PC: variants seen among roughly 807,000 people sequenced by gnomAD.
The protein encoded by PC is pyruvate carboxylase, also known as pyruvate carboxylase, mitochondrial.
Under a neutral mutation model 107.8 loss-of-function variants are expected in PC, and 46 were observed. The ratio of observed to expected loss-of-function variants is 0.43; its 90% CI spans 0.34 to 0.55. The LOEUF (loss-of-function observed/expected upper bound fraction) is 0.55. Among genes scored for constraint, PC ranks in the 20% least tolerant of loss-of-function variants. The pLI, the probability that PC is intolerant of heterozygous loss-of-function variation, is 0.04. For missense variants in PC, 1,241 were observed against 1,643.1 expected, an observed-to-expected ratio of 0.76 and a Z score of 4.23; for synonymous variants, 662 against 684.7, an observed-to-expected ratio of 0.97 and a Z score of 0.52.
intron 3 of PC, among the ~76,000 whole-genome samples, chr11:66,911,120 G>A (rs1413410082): frequency 6.6e-6 from 1 of 152,190 alleles, no homozygotes; most frequent in Non-Finnish European, 1.5e-5. Context: ...GACCCCAATG[G>A]TCAGCCCTTG....
intron 3 of PC, among the ~76,000 whole-genome samples, chr11:66,913,567 C>A: frequency 6.6e-6 from 1 of 150,914 alleles, no homozygotes; most frequent in Non-Finnish European, 1.5e-5. Flanking sequence ...GAGGCTGAGG[C>A]AGGAGAATCT....
intron 3 of PC, among the ~76,000 whole-genome samples, chr11:66,925,449 G>C (rs1429938818): frequency 2.0e-5 from 3 of 152,156 alleles, no homozygotes; most frequent in African/African-American, 7.2e-5. Flanking sequence ...TCTCCCATTT[G>C]CTTTTGAAAG....
intron 3 of PC, among the ~76,000 whole-genome samples, chr11:66,917,218 C>T (rs1948482736): frequency 6.6e-6 from 1 of 151,790 alleles, no homozygotes; most frequent in Non-Finnish European, 1.5e-5. Flanking sequence ...ATTACAGGGG[C>T]GCGCCATCAC....
intron 2 of PC, among the ~76,000 whole-genome samples, chr11:66,953,440 C>T (rs907229303): frequency 6.6e-5 from 10 of 152,194 alleles, no homozygotes; most frequent in African/African-American, 2.2e-4. Context: ...GAGCCCACCT[C>T]GTGTTTATGC....
At chr11:66,938,606 A>C (rs1591305726) in intron 3 of PC, among the ~76,000 whole-genome samples, 1 of 152,220 alleles carries the variant, frequency 6.6e-6, no homozygotes, top group East Asian at 1.9e-4. Flanking sequence ...ACTATATAGA[A>C]AATTTTTTAA....
Position 66,863,654 on chromosome 11 carries a change from C to A in PC, c.1368+120G>T, listed in dbSNP as rs111399086. 3.0e-5 allele frequency: 32 copies of A among 1,073,148 alleles called. No homozygotes were observed. In the African/African-American group the frequency reaches 4.1e-4, roughly 14 times the overall value. The allele number at this position is 1,073,148 out of a possible 1,614,324, so 66.5% of individuals were successfully genotyped here. A position where few individuals can be genotyped will look rare whatever the true frequency, so the allele number is the denominator to read the frequency against. On this transcript the variant is annotated intron_variant, in intron 12 of 22. Coordinates refer to ENST00000393960, the MANE Select transcript of PC (RefSeq NM_001040716.2). ...GCCAAGGAGAGCCACTGACCTCGAC[C>A]CATCAGTCAGGGGCAAGGCTGAGGT...
At chr11:66,856,888 G>A (rs1296094454) in intron 12 of PC, 1 of 148,146 alleles carries the variant, frequency 6.8e-6, no homozygotes, top group Non-Finnish European at 1.5e-5. Flanking sequence ...GGCAGCGCCG[G>A]GGGACAGCGC....
At chr11:66,946,555 G>A (rs536234506) in intron 3 of PC, among the ~76,000 whole-genome samples, 5 of 152,130 alleles carry the variant, frequency 3.3e-5, no homozygotes, top group Non-Finnish European at 5.9e-5. Flanking sequence ...AGCAGGCGGA[G>A]GTTGCAAGTA....
intron 3 of PC, among the ~76,000 whole-genome samples, chr11:66,923,847 A>G (rs1447951313): frequency 6.6e-6 from 1 of 150,756 alleles, no homozygotes; most frequent in Non-Finnish European, 1.5e-5. Context: ...AGGTCACAGA[A>G]AAGCACATAG....
intron 3 of PC, among the ~76,000 whole-genome samples, chr11:66,877,386 AAAAAC>A (rs950444049): frequency 3.9e-5 from 6 of 152,128 alleles, no homozygotes; most frequent in Non-Finnish European, 8.8e-5. Flanking sequence ...ACTCCATCTC[AAAAAC>A]AAAACAAAAC....
Position 66,851,841 on chromosome 11 carries a change from C to T in PC, c.1931G>A (p.Arg644Gln), listed in dbSNP as rs752607028. Reference protein sequence around the residue: ...IPNIPFQMLLRGANAVGYTNY... With the variant: ...IPNIPFQMLLQGANAVGYTNY... ...GGTGTAGCCCACAGCATTGGCCCCC[C>T]GCAGCAGCATCTGGAAAGGGATGTT... Residue 644 changes from arginine (R) to glutamine (Q), a missense_variant, in exon 16 of 23, where the codon CGG becomes CAG. Physicochemically the swap from Arg to Gln is conservative, Grantham distance 43. Coordinates refer to ENST00000393960, the MANE Select transcript of PC (RefSeq NM_001040716.2). 9 of 1,614,032 alleles carry T rather than the reference C, an allele frequency of 5.6e-6. No homozygotes were observed. The highest frequency in any genetic ancestry group is 2.7e-5 in the African/African-American group (2 of 74,902).
intron 11 of PC, among the ~76,000 whole-genome samples, chr11:66,865,541 G>C (rs1328489158): frequency 6.6e-6 from 1 of 152,210 alleles, no homozygotes; most frequent in Non-Finnish European, 1.5e-5. Context: ...CCGGTGCTGA[G>C]AGGAAGAAAG....
chr11:66,853,080 G>T, intron 13 of PC, 159 bp downstream of exon 13: 1 of 785,558 alleles, frequency 1.3e-6, no homozygotes, highest in Non-Finnish European at 2.0e-6. Flanking sequence ...TGAATGGCAG[G>T]GTGCAGGACA....
chr11:66,886,066 G>A (rs1947349051), intron 3 of PC, among the ~76,000 whole-genome samples: 1 of 152,230 alleles, frequency 6.6e-6, no homozygotes, highest in African/African-American at 2.4e-5. Context: ...CTGAGTGAGA[G>A]GCAGCAGAGA....
chr11:66,871,990 T>C lies in PC; in HGVS notation c.136+34A>G, dbSNP rs1275749002. On this transcript the variant is annotated intron_variant, in intron 4 of 22. Transcript: ENST00000393960. This position sits in a 1 kb window ranked among gnomAD's most constrained non-coding sequence, Gnocchi z 7.4. Reference sequence around the variant, plus strand: ...AAGAATGCCAAGGCTGGGGCGGCCATGAGGCTCCTCTCACCGGCCCCACTG... The same window carrying C: ...AAGAATGCCAAGGCTGGGGCGGCCACGAGGCTCCTCTCACCGGCCCCACTG... 2 of 1,557,546 alleles carry C rather than the reference T, an allele frequency of 1.3e-6. No homozygotes were observed. The highest frequency in any genetic ancestry group is 1.2e-5 in the South Asian group (1 of 84,656).
chr11:66,921,783 C>T (rs1352102090), intron 3 of PC, among the ~76,000 whole-genome samples: 1 of 152,196 alleles, frequency 6.6e-6, no homozygotes, highest in Non-Finnish European at 1.5e-5. Context: ...GCAGAACAAA[C>T]TTAGTTGCCA....
At chr11:66,940,560 T>C (rs968565752) in intron 3 of PC, among the ~76,000 whole-genome samples, 3 of 150,808 alleles carry the variant, frequency 2.0e-5, no homozygotes, top group Non-Finnish European at 3.0e-5. Context: ...AAATACAAAA[T>C]ACAAAAAAAT....
At chr11:66,884,244 C>CAAA (rs533552926) in intron 3 of PC, among the ~76,000 whole-genome samples, 1 of 86,482 alleles carries the variant, frequency 1.2e-5, no homozygotes. Flanking sequence ...AACTCCATCT[C>CAAA]AAAAAAAAAA....
intron 3 of PC, among the ~76,000 whole-genome samples, chr11:66,933,064 G>C (rs1314978562): frequency 2.6e-5 from 4 of 152,110 alleles, no homozygotes; most frequent in East Asian, 1.9e-4. Flanking sequence ...ACTTTGTTTT[G>C]ATCAGTGTAA....
Sources: gnomAD v4.1 joint callset for allele counts (sites outside exome capture counted in the v4.1 genomes callset) on GRCh38, gnomAD v4.1.1 for gene constraint, Gnocchi (gnomAD v3.1) non-coding constraint, MANE v1.5 for transcripts, NCBI Gene and HGNC (gene_info 2026-07-23, HGNC 2026-07-21) for gene names.